QSER1: variants seen among roughly 807,000 people sequenced by gnomAD.
QSER1 encodes glutamine and serine-rich protein 1.
A neutral mutation model predicts 158.5 loss-of-function variants in QSER1; 49 were observed. That is an observed-to-expected ratio of 0.31 (90% CI 0.25 to 0.39). The LOEUF is 0.39. Among genes scored for constraint, QSER1 ranks in the 10% least tolerant of loss-of-function variants. The pLI is 1.00. For missense variants in QSER1, 1,754 were observed against 2,010.3 expected, an observed-to-expected ratio of 0.87 and a Z score of 2.44; for synonymous variants, 650 against 715.5, an observed-to-expected ratio of 0.91 and a Z score of 1.46.
chr11:32,961,356 A>G (rs1327663334), intron 8 of QSER1, among the ~76,000 whole-genome samples: 8 of 152,164 alleles, frequency 5.3e-5, no homozygotes, highest in African/African-American at 1.9e-4. Flanking sequence ...TTAACTTTAC[A>G]TATCTCTCAT....
Position 32,933,492 on chromosome 11 carries a change from G to A in QSER1, c.2234G>A (p.Arg745His), listed in dbSNP as rs765869180. 42 of 1,611,680 alleles carry A rather than the reference G, an allele frequency of 2.6e-5. No individual in the cohort carries two copies. Among genetic ancestry groups the A allele is most frequent in the Middle Eastern group, 1.7e-4 (1 of 6,034 alleles). Residue 745 changes from arginine to histidine, a missense_variant, in exon 4 of 13, where the codon CGT becomes CAT. Transcript: ENST00000650167. Reference sequence around the variant, plus strand: ...CAGAGTGTAATCAGAAGTAATTCCCGTCTTGAAGATCAAGTTATTGGGGTT... The same window carrying A: ...CAGAGTGTAATCAGAAGTAATTCCCATCTTGAAGATCAAGTTATTGGGGTT... ...YSQSVIRSNSRLEDQVIGVAL... is the reference protein window; with the variant it reads ...YSQSVIRSNSHLEDQVIGVAL...
intron 1 of QSER1, among the ~76,000 whole-genome samples, chr11:32,905,833 T>G (rs1205203567): frequency 6.6e-6 from 1 of 152,222 alleles, no homozygotes; most frequent in Non-Finnish European, 1.5e-5. Context: ...TCTTCATAGA[T>G]ATCAAGCATA....
At chr11:32,895,823 A>T (rs1851547314) in intron 1 of QSER1, among the ~76,000 whole-genome samples, 1 of 152,214 alleles carries the variant, frequency 6.6e-6, no homozygotes, top group African/African-American at 2.4e-5. Context: ...AAGGTACATG[A>T]TAAACAGCTT....
chr11:32,905,243 G>A (rs1323153173), intron 1 of QSER1, among the ~76,000 whole-genome samples: 1 of 152,192 alleles, frequency 6.6e-6, no homozygotes, highest in Non-Finnish European at 1.5e-5. Context: ...AGTAACTTGA[G>A]ACCAGATTTG....
intron 12 of QSER1, 22 bp from the exon 13 acceptor site, chr11:32,976,312 T>C (rs1440541071): frequency 6.4e-7 from 1 of 1,569,846 alleles, no homozygotes; most frequent in South Asian, 1.2e-5. Flanking sequence ...TATAAGCTAA[T>C]TTGGCGATTT....
Position 32,958,014 on chromosome 11 carries a change from T to G in QSER1, c.4897T>G (p.Trp1633Gly). 6.2e-7 allele frequency: 1 copy of G among 1,613,758 alleles called. No homozygotes were observed. The highest frequency in any genetic ancestry group is 8.5e-7 in the Non-Finnish European group (1 of 1,179,932). The change falls in exon 8 of 13, where the codon TGG (tryptophan) becomes GGG (glycine). Residue 1633 changes from tryptophan to glycine, a missense_variant. Trp to Gly is a radical substitution (Grantham distance 184). Coordinates refer to ENST00000650167, the MANE Select transcript of QSER1 (RefSeq NM_001076786.3). ...AEPPPKKRKK[W>G]KEEFSSSQSD... ...GCCACCACCAAAGAAACGGAAAAAATGGAAAGAAGAATTTTCATCATCCCA... is the reference window on the plus strand; with the variant it reads ...GCCACCACCAAAGAAACGGAAAAAAGGGAAAGAAGAATTTTCATCATCCCA...
chr11:32,903,998 G>A (rs1306080227), intron 1 of QSER1, among the ~76,000 whole-genome samples: 2 of 152,098 alleles, frequency 1.3e-5, no homozygotes, highest in African/African-American at 4.8e-5. Context: ...TTGCTTACAG[G>A]AAATCTTATT....
intron 1 of QSER1, among the ~76,000 whole-genome samples, chr11:32,924,635 T>G (rs1851944555): frequency 6.6e-6 from 1 of 151,032 alleles, no homozygotes; most frequent in African/African-American, 2.4e-5. Context: ...GCCAATAGAC[T>G]GGGAGAAAAT....
At chr11:32,935,679 T>C (rs1013547977) in intron 4 of QSER1, among the ~76,000 whole-genome samples, 2 of 152,240 alleles carry the variant, frequency 1.3e-5, no homozygotes, top group African/African-American at 4.8e-5. Context: ...ATCTGTACAG[T>C]ATGCCATCTA....
At position 32,893,281 on chromosome 11, in the gene QSER1, CAGCTGCAGCAGTGGCAGCTGCAGT is replaced by C. The variant is rs1318963138; in HGVS notation, c.160_183del (p.Cys54_Ser61del). The C allele has an allele frequency of 5.9e-5, 9 of 153,618 alleles. No individual in the cohort carries two copies. Among genetic ancestry groups the C allele is most frequent in the African/African-American group, 1.9e-4 (8 of 41,386 alleles). 9.5% of individuals were successfully genotyped at this position (153,618 alleles called of 1,614,324 possible). A position where few individuals can be genotyped will look rare whatever the true frequency, so the allele number is the denominator to read the frequency against. On this transcript the variant is annotated inframe_deletion, in exon 1 of 13. Coordinates refer to ENST00000650167, the MANE Select transcript of QSER1 (RefSeq NM_001076786.3). This position sits in a 1 kb window ranked among gnomAD's most constrained non-coding sequence, Gnocchi z 4.7. The stretch of plus-strand genomic sequence containing the variant: ...GAGCCGCCGCCGCCGCCGCCAGCAG[CAGCTGCAGCAGTGGCAGCTGCAGT>C]AGCGGCAGCAGCCCCAGCCTCAAGG...
chr11:32,898,590 T>G (rs1851586989), intron 1 of QSER1, among the ~76,000 whole-genome samples: 1 of 152,136 alleles, frequency 6.6e-6, no homozygotes, highest in Admixed American at 6.5e-5. Context: ...TTTATTTTCT[T>G]TTTTATTTTT....
At chr11:32,929,986 G>A (rs1241711875) in intron 3 of QSER1, among the ~76,000 whole-genome samples, 1 of 152,168 alleles carries the variant, frequency 6.6e-6, no homozygotes, top group Non-Finnish European at 1.5e-5. Context: ...GATAATGTCA[G>A]TCACTATGTA....
At chr11:32,941,422 C>A (rs1053088336) in intron 4 of QSER1, among the ~76,000 whole-genome samples, 1 of 144,178 alleles carries the variant, frequency 6.9e-6, no homozygotes, top group African/African-American at 2.6e-5. Context: ...TGATGTTCCC[C>A]TTCCTGTGTC....
intron 10 of QSER1, among the ~76,000 whole-genome samples, 172 bp from the exon 11 acceptor site, chr11:32,973,225 T>C (rs1199892639): frequency 1.3e-5 from 2 of 152,142 alleles, no homozygotes; most frequent in African/African-American, 4.8e-5. Context: ...TGTATATGTA[T>C]GCATATCCCA....
intron 1 of QSER1, among the ~76,000 whole-genome samples, chr11:32,923,889 A>G (rs1851931895): frequency 6.6e-6 from 1 of 151,978 alleles, no homozygotes; most frequent in African/African-American, 2.4e-5. Context: ...AATCGCTTGA[A>G]CCCGGAAAGT....
chr11:32,968,639 T>C (rs1852792929), intron 9 of QSER1, among the ~76,000 whole-genome samples: 1 of 152,234 alleles, frequency 6.6e-6, no homozygotes, highest in Non-Finnish European at 1.5e-5. Context: ...TAGATCAGTT[T>C]GTATTTTGTA....
intron 4 of QSER1, among the ~76,000 whole-genome samples, chr11:32,948,843 A>T (rs1368344915): frequency 6.6e-6 from 1 of 152,088 alleles, no homozygotes; most frequent in Non-Finnish European, 1.5e-5. Context: ...CATTTCAATA[A>T]TCATGTGGTC....
chr11:32,968,271 G>C (rs1018142273), intron 9 of QSER1, among the ~76,000 whole-genome samples: 2 of 151,884 alleles, frequency 1.3e-5, no homozygotes, highest in Admixed American at 6.6e-5. Flanking sequence ...CTGGATTCTG[G>C]GTTGTTGTTT....
chr11:32,963,305 A>AT (rs140874868), intron 8 of QSER1, among the ~76,000 whole-genome samples: 2 of 151,496 alleles, frequency 1.3e-5, no homozygotes, highest in East Asian at 1.9e-4. Flanking sequence ...ACAGGCGCTA[A>AT]TTTTTTTGTA....
Sources: gnomAD v4.1 joint callset for allele counts (sites outside exome capture counted in the v4.1 genomes callset) on GRCh38, gnomAD v4.1.1 for gene constraint, Gnocchi (gnomAD v3.1) non-coding constraint, MANE v1.5 for transcripts, NCBI Gene and HGNC (gene_info 2026-07-23, HGNC 2026-07-21) for gene names.